Variants in CCDC88C observed in about 807,000 individuals in gnomAD.
CCDC88C encodes the protein coiled-coil and HOOK domain protein 88C, also known as protein Daple.
Under a neutral mutation model 198.8 loss-of-function variants are expected in CCDC88C, and 131 were observed. The ratio of observed to expected loss-of-function variants is 0.66; its 90% CI spans 0.57 to 0.76. The LOEUF (loss-of-function observed/expected upper bound fraction) is 0.76. CCDC88C is among the 30% of genes least tolerant of loss of function. The pLI is 0.00. For synonymous variants in CCDC88C, 1,166 were observed against 1,114.7 expected (o/e 1.05, Z -0.92); for missense variants, 2,553 against 2,631.6 (o/e 0.97, Z 0.65).
chr14:91,293,785 C>T lies in CCDC88C; in HGVS notation c.4112+388G>A, dbSNP rs193214816. 2.6e-5 allele frequency among the ~76,000 whole-genome samples: 4 copies of T among 152,288 alleles called. 1 individual carries two copies. The East Asian group carries it at 7.7e-4, about 29-fold the overall frequency. ...ACTGGTTCTGTGCACCTCACAGGGC[C>T]CAACAAGCCCACTTCCCTCCATCCA... is the stretch of plus-strand genomic sequence containing the variant. On this transcript the variant is annotated intron_variant, in intron 23 of 29. Coordinates refer to ENST00000389857, the MANE Select transcript of CCDC88C (RefSeq NM_001080414.4).
At chr14:91,367,261 C>T (rs971890486) in intron 3 of CCDC88C, among the ~76,000 whole-genome samples, 7 of 152,138 alleles carry the variant, frequency 4.6e-5, no homozygotes, top group Non-Finnish European at 7.3e-5. Flanking sequence ...TTAAGATGAA[C>T]GCCCAGCACA....
Position 91,303,795 on chromosome 14 carries a change from GC to G in CCDC88C, c.3540del (p.Gln1181AsnfsTer15). 4 of 1,613,370 alleles carry G rather than the reference GC, an allele frequency of 2.5e-6. No individual in the cohort carries two copies. In the Admixed American group the frequency reaches 5.0e-5, roughly 20 times the overall value. ...ATGAGGGCCTCGTACTCGGCCGATT[GC>G]CGCTCGTGCAGCGTGCCCAGGTGCT... is the stretch of plus-strand genomic sequence containing the variant. ...DHEHLGTLHE[R>X]QSAEYEALIR... On this transcript the variant is annotated frameshift_variant, in exon 20 of 30. Coordinates refer to ENST00000389857, the MANE Select transcript of CCDC88C (RefSeq NM_001080414.4). LOFTEE classifies it high-confidence loss of function.
intron 3 of CCDC88C, among the ~76,000 whole-genome samples, chr14:91,388,362 G>A (rs1402735506): frequency 6.6e-6 from 1 of 152,172 alleles, no homozygotes; most frequent in Non-Finnish European, 1.5e-5. Context: ...GGGCCTCGTG[G>A]CTCTAGGCTG....
At chr14:91,354,241 T>C (rs1373540328) in intron 4 of CCDC88C, among the ~76,000 whole-genome samples, 1 of 152,232 alleles carries the variant, frequency 6.6e-6, no homozygotes, top group East Asian at 1.9e-4. Flanking sequence ...TGTCCTGTGA[T>C]TCATCGCAGA....
intron 1 of CCDC88C, chr14:91,417,413 G>C (rs1039808332): frequency 1.0e-5 from 6 of 572,934 alleles, no homozygotes; most frequent in Non-Finnish European, 1.8e-5. Flanking sequence ...AAGCGCGGCG[G>C]GGTCCCGCGC....
chr14:91,304,519 T>C (rs1254548680), intron 19 of CCDC88C, among the ~76,000 whole-genome samples: 3 of 151,982 alleles, frequency 2.0e-5, no homozygotes, highest in African/African-American at 4.8e-5. Context: ...AGCCCAGGAG[T>C]TGGAGGTTAT....
chr14:91,372,408 C>T (rs1894846109), intron 3 of CCDC88C, among the ~76,000 whole-genome samples: 1 of 151,678 alleles, frequency 6.6e-6, no homozygotes, highest in Non-Finnish European at 1.5e-5. Context: ...GGCACCTGAG[C>T]TGGGGGCACT....
At chr14:91,367,272 G>A (rs1894587777) in intron 3 of CCDC88C, among the ~76,000 whole-genome samples, 1 of 152,186 alleles carries the variant, frequency 6.6e-6, no homozygotes, top group Non-Finnish European at 1.5e-5. Flanking sequence ...GCCCAGCACA[G>A]GCATTCAGGA....
At chr14:91,349,277 C>G (rs1893682029) in intron 4 of CCDC88C, among the ~76,000 whole-genome samples, 1 of 152,154 alleles carries the variant, frequency 6.6e-6, no homozygotes, top group South Asian at 2.1e-4. Flanking sequence ...AGGCCCAGGG[C>G]AAGGACTCTA....
chr14:91,342,340 GC>G, intron 6 of CCDC88C, 39 bp downstream of exon 6: 1 of 1,284,258 alleles, frequency 7.8e-7, no homozygotes, highest in Non-Finnish European at 1.1e-6. Flanking sequence ...CACAGGAGCA[GC>G]AGTCCACAGC....
Position 91,297,290 on chromosome 14 carries a change from T to G in CCDC88C, c.3966+15A>C. ...TCATCCCTGTCTCCCGAGGCTCCCC[T>G]GGCGCTGGCCTCACCTCACAGTGGT... On this transcript the variant is annotated intron_variant, in intron 22 of 29. Transcript: ENST00000389857. 1 of 1,609,672 alleles carries G rather than the reference T, an allele frequency of 6.2e-7. No individual in the cohort carries two copies. Among genetic ancestry groups the G allele is most frequent in the Admixed American group, 1.7e-5 (1 of 59,564 alleles).
At chr14:91,290,468 T>G (rs887778824) in intron 24 of CCDC88C, among the ~76,000 whole-genome samples, 2 of 152,208 alleles carry the variant, frequency 1.3e-5, no homozygotes, top group Non-Finnish European at 2.9e-5. Flanking sequence ...GCAGCACTGC[T>G]AGGGTGGGCC....
At chr14:91,323,293 C>G (rs1892434807) in intron 12 of CCDC88C, among the ~76,000 whole-genome samples, 1 of 152,198 alleles carries the variant, frequency 6.6e-6, no homozygotes, top group African/African-American at 2.4e-5. Context: ...ACAAGAAGAG[C>G]TGCCCTCTAC....
At chr14:91,370,640 A>C (rs1453874147) in intron 3 of CCDC88C, among the ~76,000 whole-genome samples, 1 of 152,180 alleles carries the variant, frequency 6.6e-6, no homozygotes, top group Non-Finnish European at 1.5e-5. Flanking sequence ...CCATTTTACA[A>C]GAGGAATGCA....
intron 10 of CCDC88C, among the ~76,000 whole-genome samples, chr14:91,329,103 C>G (rs754248257): frequency 6.6e-6 from 1 of 152,212 alleles, no homozygotes; most frequent in African/African-American, 2.4e-5. Context: ...ACATCACCCC[C>G]GCTCTGAACC....
At position 91,339,050 on chromosome 14, in the gene CCDC88C, G is replaced by C. The variant is rs1893186034; in HGVS notation, c.809+228C>G. 6.3e-6 allele frequency: 4 copies of C among 634,304 alleles called. No individual in the cohort carries two copies. The Admixed American group carries it at 8.8e-5, about 14-fold the overall frequency. The allele number at this position is 634,304 out of a possible 1,614,324, so 39.3% of individuals were successfully genotyped here. ...GTGGACAACTTGCACCGTCTGGACG[G>C]GAGGAAACCCTGAAGACCGGGAAGA... On this transcript the variant is annotated intron_variant, in intron 8 of 29. Transcript: ENST00000389857. The surrounding 1 kb of genome is among the most constrained non-coding windows in gnomAD (Gnocchi z 5.8).
rs1485416762 is a variant in CCDC88C at position 91,325,135 on chromosome 14, G to C, written c.1198-212C>G. ...AAGGTACCCTGACCTGGCTACCTAG[G>C]TTATGAAGACAGACCCGGCCGGGGT... On this transcript the variant is annotated intron_variant, in intron 11 of 29. Transcript: ENST00000389857. This position sits in a 1 kb window ranked among gnomAD's most constrained non-coding sequence, Gnocchi z 4.1. Among the ~76,000 whole-genome samples, 1 of 152,188 alleles carries C rather than the reference G, an allele frequency of 6.6e-6. No individual in the cohort carries two copies. Among genetic ancestry groups the C allele is most frequent in the East Asian group, 1.9e-4 (1 of 5,202 alleles).
chr14:91,411,302 C>A (rs1484434949), intron 2 of CCDC88C, among the ~76,000 whole-genome samples: 4 of 152,168 alleles, frequency 2.6e-5, no homozygotes, highest in African/African-American at 9.7e-5. Context: ...CCAAGCCCAG[C>A]CAAAGCTCAC....
intron 3 of CCDC88C, among the ~76,000 whole-genome samples, chr14:91,394,029 T>C (rs1885689111): frequency 6.6e-6 from 1 of 152,238 alleles, no homozygotes; most frequent in South Asian, 2.1e-4. Flanking sequence ...AAATCTGACT[T>C]GCTGGGCAGA....
Sources: allele counts gnomAD v4.1 joint callset (sites outside exome capture counted in the v4.1 genomes callset), GRCh38; gene constraint gnomAD v4.1.1; non-coding constraint Gnocchi (gnomAD v3.1); transcripts MANE v1.5; gene names NCBI Gene and HGNC (gene_info 2026-07-23, HGNC 2026-07-21).